ITSN1: variants seen among roughly 807,000 people sequenced by gnomAD.
The protein encoded by ITSN1 is intersectin-1.
In ITSN1, 58 loss-of-function variants were observed where a neutral mutation model predicts 239.8. That is an observed-to-expected ratio of 0.24 (90% confidence interval 0.20 to 0.30). ITSN1 has a LOEUF of 0.30. Among genes scored for constraint, ITSN1 ranks in the 10% least tolerant of loss-of-function variants. ITSN1 has a pLI of 1.00. For synonymous variants in ITSN1, 780 were observed against 770.8 expected (o/e 1.01, Z -0.20); for missense variants, 1,558 against 2,103.3 (o/e 0.74, Z 5.07).
intron 29 of ITSN1, among the ~76,000 whole-genome samples, chr21:33,849,277 A>G (rs368954746): frequency 6.6e-6 from 1 of 151,346 alleles, no homozygotes; most frequent in Non-Finnish European, 1.5e-5. Flanking sequence ...GAAAAACCCT[A>G]GTATTTGGCT....
chr21:33,755,670 G>T (rs1348423878), intron 8 of ITSN1, among the ~76,000 whole-genome samples: 1 of 152,186 alleles, frequency 6.6e-6, no homozygotes, highest in Non-Finnish European at 1.5e-5. Context: ...CACTAGCAAA[G>T]AAACACTTCT....
chr21:33,661,577 C>G (rs1439493125), intron 1 of ITSN1, among the ~76,000 whole-genome samples: 3 of 152,092 alleles, frequency 2.0e-5, no homozygotes, highest in African/African-American at 7.2e-5. Flanking sequence ...GTGAAAAGAG[C>G]AGGTCTTGCC....
chr21:33,768,193 T>A (rs888358197), intron 11 of ITSN1, among the ~76,000 whole-genome samples: 2 of 152,234 alleles, frequency 1.3e-5, no homozygotes, highest in Admixed American at 1.3e-4. Flanking sequence ...TCAAATCATC[T>A]ACTGTTGTTT....
At chr21:33,793,462 T>A (rs2071306927) in intron 16 of ITSN1, among the ~76,000 whole-genome samples, 1 of 152,222 alleles carries the variant, frequency 6.6e-6, no homozygotes, top group South Asian at 2.1e-4. Context: ...AAGACGAGTT[T>A]CAGTGACTCA....
At chr21:33,807,114 TG>T (rs1050172820) in intron 20 of ITSN1, among the ~76,000 whole-genome samples, 1 of 152,134 alleles carries the variant, frequency 6.6e-6, no homozygotes, top group African/African-American at 2.4e-5. Context: ...GACTATTGTT[TG>T]GGGGGCTGTT....
intron 1 of ITSN1, among the ~76,000 whole-genome samples, chr21:33,670,796 A>G (rs1041802292): frequency 2.6e-5 from 4 of 152,238 alleles, no homozygotes; most frequent in African/African-American, 9.6e-5. Flanking sequence ...CATGCTCACT[A>G]GGTCAGGTGC....
At position 33,676,809 on chromosome 21, in the gene ITSN1, A is replaced by G. The variant is rs564570399; in HGVS notation, c.-33+34096A>G. ...TCCTTGTGATAGTTTGTTCGGAATG[A>G]TGGTTTCCAGCTTCATCCATGCCCC... On this transcript the variant is annotated intron_variant, in intron 1 of 39. Coordinates refer to ENST00000381318, the MANE Select transcript of ITSN1 (RefSeq NM_003024.3). Among the ~76,000 whole-genome samples the G allele has an allele frequency of 4.9e-4, 74 of 152,238 alleles. No individual in the cohort carries two copies. In the Middle Eastern group the frequency reaches 0.01, roughly 21 times the overall value.
chr21:33,693,694 C>G (rs926630700), intron 1 of ITSN1, among the ~76,000 whole-genome samples: 1 of 152,160 alleles, frequency 6.6e-6, no homozygotes. Context: ...GCTGTTCCCA[C>G]TTGTGTCTAT....
At chr21:33,681,359 C>T (rs2090941505) in intron 1 of ITSN1, among the ~76,000 whole-genome samples, 2 of 152,136 alleles carry the variant, frequency 1.3e-5, no homozygotes, top group Non-Finnish European at 2.9e-5. Context: ...CCATTTTTGG[C>T]ATCTCTGCAG....
intron 21 of ITSN1, among the ~76,000 whole-genome samples, chr21:33,811,887 C>T (rs2072942857): frequency 1.3e-5 from 2 of 152,088 alleles, no homozygotes; most frequent in South Asian, 4.1e-4. Flanking sequence ...TACTAGGATA[C>T]AAGTATGAGT....
intron 33 of ITSN1, among the ~76,000 whole-genome samples, chr21:33,870,708 T>C (rs866753108): frequency 6.6e-6 from 1 of 152,100 alleles, no homozygotes; most frequent in African/African-American, 2.4e-5. Flanking sequence ...GGTAGATCAC[T>C]TGAGGTCAGG....
At chr21:33,834,448 TG>T in intron 28 of ITSN1, 24 bp downstream of exon 28, 2 of 1,482,894 alleles carry the variant, frequency 1.3e-6, no homozygotes, top group Non-Finnish European at 1.9e-6. Flanking sequence ...CATCTCTAAC[TG>T]GAAGATGGTC....
At chr21:33,652,073 G>A (rs2088588473) in intron 1 of ITSN1, among the ~76,000 whole-genome samples, 1 of 152,200 alleles carries the variant, frequency 6.6e-6, no homozygotes, top group African/African-American at 2.4e-5. Flanking sequence ...TTACCATCCA[G>A]TGATAATGAC....
Position 33,774,788 on chromosome 21 carries a change from A to G in ITSN1, c.1365A>G (p.Gln455=). 4 of 1,614,126 alleles carry G rather than the reference A, an allele frequency of 2.5e-6. No homozygotes were observed. The highest frequency in any genetic ancestry group is 3.4e-6 in the Non-Finnish European group (4 of 1,179,978). Residue 455 remains glutamine, a synonymous_variant, in exon 13 of 40, where the codon CAA becomes CAG. Coordinates refer to ENST00000381318, the MANE Select transcript of ITSN1 (RefSeq NM_003024.3). ...RQLEWERNRR[Q]ELLNQRNKEQ... is the part of the protein sequence containing the mutation. ...TTGAGTGGGAACGGAATCGAAGGCAAGAACTACTAAATCAAAGAAACAAAG... is the reference window on the plus strand; with the variant it reads ...TTGAGTGGGAACGGAATCGAAGGCAGGAACTACTAAATCAAAGAAACAAAG...
At chr21:33,804,982 A>G (rs1395817923) in intron 20 of ITSN1, among the ~76,000 whole-genome samples, 1 of 152,226 alleles carries the variant, frequency 6.6e-6, no homozygotes, top group Non-Finnish European at 1.5e-5. Context: ...CTTGGTTTAA[A>G]TGCTTATCCT....
At chr21:33,849,410 A>G (rs1222123403) in intron 29 of ITSN1, among the ~76,000 whole-genome samples, 1 of 151,964 alleles carries the variant, frequency 6.6e-6, no homozygotes, top group East Asian at 1.9e-4. Flanking sequence ...TATTAAAAAT[A>G]GAAATATTAG....
At chr21:33,742,618 T>G (rs1288561828) in intron 5 of ITSN1, among the ~76,000 whole-genome samples, 2 of 152,152 alleles carry the variant, frequency 1.3e-5, no homozygotes, top group African/African-American at 4.8e-5. Flanking sequence ...TTTGGAGCAG[T>G]CCAGCCCCTA....
intron 28 of ITSN1, 49 bp downstream of exon 28, chr21:33,834,473 A>G (rs1315096418): frequency 1.6e-6 from 2 of 1,260,702 alleles, no homozygotes; most frequent in Non-Finnish European, 2.3e-6. Flanking sequence ...ATGCCACTTG[A>G]GTTTTTCCAC....
rs2073093473 is a variant in ITSN1 at position 33,813,916 on chromosome 21, G to T, written c.2571G>T (p.Trp857Cys). 1.2e-6 allele frequency: 2 copies of T among 1,613,368 alleles called. No individual in the cohort carries two copies. The highest frequency in any genetic ancestry group is 1.7e-6 in the Non-Finnish European group (2 of 1,179,812). The change falls in exon 22 of 40, where the codon TGG (tryptophan) becomes TGT (cysteine). Residue 857 changes from tryptophan (W) to cysteine (C), a missense_variant. Physicochemically the swap from Trp to Cys is radical, Grantham distance 215. Transcript: ENST00000381318. The stretch of plus-strand genomic sequence containing the variant: ...GGTGTTGTGCTTTTCCCTCCAGGTG[G>T]CCCACCAGCACGAATGAGAAACCAG... ...PNNWADFSST[W>C]PTSTNEKPET...
Sources: allele counts gnomAD v4.1 joint callset (sites outside exome capture counted in the v4.1 genomes callset), GRCh38; gene constraint gnomAD v4.1.1; transcripts MANE v1.5; gene names NCBI Gene and HGNC (gene_info 2026-07-23, HGNC 2026-07-21).